Variants in THSD4 observed in about 807,000 individuals in gnomAD.
THSD4 encodes thrombospondin type 1 domain containing 4, also known as thrombospondin type-1 domain-containing protein 4.
In THSD4, 69 loss-of-function variants were observed where a neutral mutation model predicts 119.0. The ratio of observed to expected loss-of-function variants is 0.58; its 90% CI spans 0.48 to 0.71. THSD4 has a LOEUF of 0.71. Ranked by LOEUF, THSD4 falls within the 30% of genes least tolerant of loss-of-function variation. The probability of loss-of-function intolerance (pLI) is 0.00; values close to 1 mark genes in which losing one functional copy is unlikely to be tolerated. For synonymous variants in THSD4, 524 were observed against 540.4 expected, an observed-to-expected ratio of 0.97 and a Z score of 0.42; for missense variants, 1,393 against 1,391.1, an observed-to-expected ratio of 1.00 and a Z score of -0.02.
At chr15:71,574,264 A>G (rs571431705) in intron 7 of THSD4, among the ~76,000 whole-genome samples, 16 of 152,218 alleles carry the variant, frequency 1.1e-4, no homozygotes, top group Non-Finnish European at 1.9e-4. Context: ...TGCAATGGCA[A>G]ACATTTATGA....
At chr15:71,529,432 T>C (rs2140808207) in intron 7 of THSD4, among the ~76,000 whole-genome samples, 2 of 152,344 alleles carry the variant, frequency 1.3e-5, no homozygotes, top group Middle Eastern at 3.4e-3. Flanking sequence ...TAATTACTTA[T>C]CTATTCAAAA....
Position 71,256,656 on chromosome 15 carries a change from C to T in THSD4, c.956C>T (p.Ala319Val), listed in dbSNP as rs72759649. 1 of 1,614,006 alleles carries T rather than the reference C, an allele frequency of 6.2e-7. No individual in the cohort carries two copies. Among genetic ancestry groups the T allele is most frequent in the Non-Finnish European group, 8.5e-7 (1 of 1,179,938 alleles). Residue 319 changes from alanine to valine, a missense_variant, in exon 6 of 18, where the codon GCA becomes GTA. Physicochemically the swap from Ala to Val is moderately conservative, Grantham distance 64. Transcript: ENST00000261862. Reference sequence around the variant, plus strand: ...AGAAGTATCCGGGAGGTACAGTGTGCATCCTACAACAACAAGCCATTCATG... The same window carrying T: ...AGAAGTATCCGGGAGGTACAGTGTGTATCCTACAACAACAAGCCATTCATG... ...SSRSIREVQCASYNNKPFMGR... is the reference protein window; with the variant it reads ...SSRSIREVQCVSYNNKPFMGR...
intron 2 of THSD4, among the ~76,000 whole-genome samples, chr15:71,142,703 T>G (rs2040616731): frequency 6.6e-6 from 1 of 152,310 alleles, no homozygotes; most frequent in African/African-American, 2.4e-5. Flanking sequence ...TTGGTAACAA[T>G]TCTGTGATGA....
intron 5 of THSD4, among the ~76,000 whole-genome samples, chr15:71,254,675 C>A (rs2140286368): frequency 6.6e-6 from 1 of 152,332 alleles, no homozygotes; most frequent in South Asian, 2.1e-4. Flanking sequence ...TGAACTCTGG[C>A]TCAGGCCAAA....
At chr15:71,762,388 A>G (rs2053641852) in intron 15 of THSD4, among the ~76,000 whole-genome samples, 1 of 152,252 alleles carries the variant, frequency 6.6e-6, no homozygotes, top group Non-Finnish European at 1.5e-5. Flanking sequence ...CACACTTAGT[A>G]CAGATGTAGG....
intron 3 of THSD4, 25 bp from the exon 4 acceptor site, chr15:71,215,010 C>G: frequency 8.0e-7 from 1 of 1,246,238 alleles, no homozygotes. Flanking sequence ...TGTTCTGGTC[C>G]CCTAACCTGC....
intron 6 of THSD4, among the ~76,000 whole-genome samples, chr15:71,356,680 T>A (rs4777373): frequency 0.19 from 29,527 of 152,040 alleles, 3,715 homozygotes; most frequent in East Asian, 0.54. Context: ...AAGCTGGGGC[T>A]GAGGAGACCA....
chr15:71,532,373 C>T (rs2048627181), intron 7 of THSD4, among the ~76,000 whole-genome samples: 2 of 150,116 alleles, frequency 1.3e-5, no homozygotes, highest in Non-Finnish European at 3.0e-5. Context: ...TACAGTGGTG[C>T]CATCTCAGCT....
intron 7 of THSD4, among the ~76,000 whole-genome samples, chr15:71,596,700 T>G (rs960251892): frequency 6.6e-6 from 1 of 152,228 alleles, no homozygotes; most frequent in African/African-American, 2.4e-5. Flanking sequence ...AAATTGTTAA[T>G]GATAGAACCA....
chr15:71,732,256 A>T lies in THSD4; in HGVS notation c.1630+1039A>T, dbSNP rs182017502. ...TAGGGGGCCATTATCTGTCTACTAT[A>T]TGCCTTTTCTCTTGGTTCCCCTTTT... On this transcript the variant is annotated intron_variant, in intron 10 of 17. Transcript: ENST00000261862. 5.9e-5 allele frequency: 9 copies of T among 152,280 alleles called. No homozygotes were observed. The East Asian group carries it at 1.7e-3, about 29-fold the overall frequency. The allele number at this position is 152,280 out of a possible 1,614,324, so 9.4% of individuals were successfully genotyped here.
chr15:71,450,650 A>G lies in THSD4; in HGVS notation c.1152+38827A>G, dbSNP rs1051497409. ...GTAACTTTGCTCATAACTCAGCTCA[A>G]ATTGTTCACAAGCCCCCATTTCACT... On this transcript the variant is annotated intron_variant, in intron 7 of 17. Coordinates refer to ENST00000261862, the MANE Select transcript of THSD4 (RefSeq NM_024817.3). 3.3e-5 allele frequency among the ~76,000 whole-genome samples: 5 copies of G among 152,352 alleles called. No homozygotes were observed. In the South Asian group the frequency reaches 6.2e-4, roughly 19 times the overall value.
At chr15:71,382,883 A>G (rs1596385992) in intron 6 of THSD4, among the ~76,000 whole-genome samples, 1 of 152,248 alleles carries the variant, frequency 6.6e-6, no homozygotes, top group South Asian at 2.1e-4. Flanking sequence ...ATGTCCAGCA[A>G]TTAATGTTCC....
chr15:71,464,936 T>C (rs1436426450), intron 7 of THSD4, among the ~76,000 whole-genome samples: 1 of 152,174 alleles, frequency 6.6e-6, no homozygotes, highest in Non-Finnish European at 1.5e-5. Flanking sequence ...ATATATGCAC[T>C]TTTAATATAA....
At chr15:71,558,155 C>T (rs943507978) in intron 7 of THSD4, among the ~76,000 whole-genome samples, 4 of 152,066 alleles carry the variant, frequency 2.6e-5, no homozygotes, top group African/African-American at 9.7e-5. Flanking sequence ...TGGTAAAACC[C>T]CATCTCTACT....
At chr15:71,621,441 A>G (rs942433049) in intron 7 of THSD4, among the ~76,000 whole-genome samples, 11 of 152,128 alleles carry the variant, frequency 7.2e-5, no homozygotes, top group African/African-American at 2.7e-4. Context: ...CACTAACTTT[A>G]TTCCAGTTAT....
chr15:71,339,229 G>T (rs2045529954), intron 6 of THSD4, among the ~76,000 whole-genome samples: 1 of 152,018 alleles, frequency 6.6e-6, no homozygotes. Context: ...GTTCTATGCT[G>T]AGTTTTTTGT....
chr15:71,611,142 A>G (rs949905227), intron 7 of THSD4, among the ~76,000 whole-genome samples: 1 of 152,252 alleles, frequency 6.6e-6, no homozygotes, highest in Non-Finnish European at 1.5e-5. Flanking sequence ...AGCCGTGATT[A>G]TGCCATTTTA....
chr15:71,617,848 G>C (rs1407001787), intron 7 of THSD4, among the ~76,000 whole-genome samples: 1 of 152,184 alleles, frequency 6.6e-6, no homozygotes, highest in East Asian at 1.9e-4. Flanking sequence ...ATTTGGGGGA[G>C]CAAGGTTATG....
At chr15:71,414,595 G>A (rs1026865254) in intron 7 of THSD4, among the ~76,000 whole-genome samples, 6 of 152,126 alleles carry the variant, frequency 3.9e-5, no homozygotes, top group African/African-American at 1.2e-4. Context: ...AAGATGACTC[G>A]GAAGGAATAT....
Sources: gnomAD v4.1 joint callset for allele counts (sites outside exome capture counted in the v4.1 genomes callset) on GRCh38, gnomAD v4.1.1 for gene constraint, MANE v1.5 for transcripts, NCBI Gene and HGNC (gene_info 2026-07-23, HGNC 2026-07-21) for gene names.